Variants in WDR17 observed in about 807,000 individuals in gnomAD.
WDR17 encodes the protein WD repeat domain 17.
A neutral mutation model predicts 161.7 loss-of-function variants in WDR17; 143 were observed. That is an observed-to-expected ratio of 0.88 (90% CI 0.77 to 1.02). The LOEUF (loss-of-function observed/expected upper bound fraction) is 1.02, where lower values mean the gene tolerates loss of function less well. Ranked by LOEUF, WDR17 falls within the 50% of genes least tolerant of loss-of-function variation. The probability of loss-of-function intolerance (pLI) is 0.00; values close to 1 mark genes in which losing one functional copy is unlikely to be tolerated. For synonymous variants in WDR17, 517 were observed against 515.6 expected, an observed-to-expected ratio of 1.00 and a Z score of -0.04; for missense variants, 1,469 against 1,520.9, an observed-to-expected ratio of 0.97 and a Z score of 0.57.
chr4:176,150,682 G>T, intron 16 of WDR17, 89 bp downstream of exon 16: 1 of 1,295,240 alleles, frequency 7.7e-7, no homozygotes, highest in South Asian at 1.8e-5. Context: ...AAATATATAT[G>T]ATTAGATCGG....
At position 176,180,189 on chromosome 4, in the gene WDR17, T is replaced by A. The variant is rs1326409295; in HGVS notation, c.*610T>A. On this transcript the variant is annotated 3_prime_UTR_variant, in exon 29 of 29. Coordinates refer to ENST00000508596, the MANE Select transcript of WDR17 (RefSeq NM_181265.4). ...AAAAAGAAAATGTTACCAGTTTTTT[T>A]ATCTGAAGTTTAACTGTCCCATTGT... 1 of 152,224 alleles carries A rather than the reference T, an allele frequency of 6.6e-6. No individual in the cohort carries two copies. Among genetic ancestry groups the A allele is most frequent in the East Asian group, 1.9e-4 (1 of 5,204 alleles). 9.4% of individuals were successfully genotyped at this position (152,224 alleles called of 1,614,324 possible). A position where few individuals can be genotyped will look rare whatever the true frequency, so the allele number is the denominator to read the frequency against.
At chr4:176,070,057 T>C (rs1733028411) in intron 1 of WDR17, among the ~76,000 whole-genome samples, 1 of 152,140 alleles carries the variant, frequency 6.6e-6, no homozygotes, top group African/African-American at 2.4e-5. Context: ...CGTTATTCTG[T>C]TAATGAGGAC....
At chr4:176,118,430 A>G (rs1297247651) in intron 3 of WDR17, among the ~76,000 whole-genome samples, 1 of 152,124 alleles carries the variant, frequency 6.6e-6, no homozygotes, top group African/African-American at 2.4e-5. Flanking sequence ...CAACTATTTT[A>G]CTGGCGTTTT....
At chr4:176,155,878 A>G (rs1309890514) in intron 17 of WDR17, among the ~76,000 whole-genome samples, 1 of 151,796 alleles carries the variant, frequency 6.6e-6, no homozygotes, top group Admixed American at 6.6e-5. Context: ...TATATTATTG[A>G]CAGAGGTAAA....
At chr4:176,111,444 T>A (rs1739721128) in intron 1 of WDR17, 131 bp from the exon 2 acceptor site, 1 of 987,278 alleles carries the variant, frequency 1.0e-6, no homozygotes, top group Non-Finnish European at 1.4e-6. Context: ...AAAATAAAAG[T>A]CAAAATTAAT....
rs541034999 is a variant in WDR17 at position 176,179,750 on chromosome 4, T to A, written c.*171T>A. 3.3e-6 allele frequency: 1 copy of A among 306,842 alleles called. No individual in the cohort carries two copies. The highest frequency in any genetic ancestry group is 5.4e-6 in the Non-Finnish European group (1 of 185,032). The allele number at this position is 306,842 out of a possible 1,614,324, so 19.0% of individuals were successfully genotyped here. A position where few individuals can be genotyped will look rare whatever the true frequency, so the allele number is the denominator to read the frequency against. On this transcript the variant is annotated 3_prime_UTR_variant, in exon 29 of 29. Transcript: ENST00000508596. ...TCATTAACTTCAAAATATATATATA[T>A]ATATAATTTAAAGGAAAAATAGGTG...
chr4:176,128,809 A>AAAACAGGATTTCAC lies in WDR17; in HGVS notation c.863_876dup (p.Cys293LysfsTer41). The AAAACAGGATTTCAC allele has an allele frequency of 6.2e-7, 1 of 1,607,050 alleles. No homozygotes were observed. The highest frequency in any genetic ancestry group is 8.5e-7 in the Non-Finnish European group (1 of 1,177,026). The stretch of plus-strand genomic sequence containing the variant: ...ACCTATTGATAATCTTAAATTAAAG[A>AAAACAGGATTTCAC]AAACAGGATTTCACTGCTTACATGT... On this transcript the variant is annotated frameshift_variant, in exon 6 of 29. Transcript: ENST00000508596. LOFTEE classifies it high-confidence loss of function.
At chr4:176,123,743 G>A (rs950880424) in intron 4 of WDR17, among the ~76,000 whole-genome samples, 14 of 152,106 alleles carry the variant, frequency 9.2e-5, no homozygotes, top group African/African-American at 3.4e-4. Context: ...GCTTCTTTTG[G>A]GTTTTTATAG....
chr4:176,078,833 A>T (rs574513756), intron 1 of WDR17, among the ~76,000 whole-genome samples: 5 of 152,114 alleles, frequency 3.3e-5, no homozygotes, highest in Non-Finnish European at 7.4e-5. Context: ...TCAAATCAGG[A>T]TAGTATATCT....
At chr4:176,128,604 G>A in intron 5 of WDR17, 134 bp from the exon 6 acceptor site, 1 of 827,086 alleles carries the variant, frequency 1.2e-6, no homozygotes, top group East Asian at 2.9e-5. Flanking sequence ...ATTACTGTAT[G>A]GTATTGTTGT....
intron 1 of WDR17, 197 bp from the exon 2 acceptor site, chr4:176,111,378 T>G (rs1405019204): frequency 2.3e-5 from 9 of 391,410 alleles, no homozygotes; most frequent in African/African-American, 1.9e-4. Flanking sequence ...TTTCCTCATT[T>G]AAATTAGTTG....
At chr4:176,141,449 GT>G (rs1561167443) in intron 10 of WDR17, among the ~76,000 whole-genome samples, 1 of 152,068 alleles carries the variant, frequency 6.6e-6, no homozygotes, top group Non-Finnish European at 1.5e-5. Context: ...AAGAAAAAGC[GT>G]TTTTGTTGTT....
At position 176,179,571 on chromosome 4, in the gene WDR17, C is replaced by A; in HGVS notation, c.3844C>A (p.Pro1282Thr). The A allele has an allele frequency of 1.3e-6, 2 of 1,554,950 alleles. No homozygotes were observed. Among genetic ancestry groups the A allele is most frequent in the East Asian group, 2.3e-5 (1 of 42,752 alleles). Residue 1282 changes from proline to threonine, a missense_variant, in exon 29 of 29, where the codon CCA becomes ACA. Coordinates refer to ENST00000508596, the MANE Select transcript of WDR17 (RefSeq NM_181265.4). ...SPLGTGIRLN[P>T]F ...TTTAGGGACTGGAATACGACTCAAT[C>A]CATTCTGATAGAAGATTTTTGTCCA...
chr4:176,078,928 G>A lies in WDR17; in HGVS notation c.-7+12849G>A, dbSNP rs565486365. Reference sequence around the variant, plus strand: ...ATTTGAAAATATATAATAAATTATCGTTAACTATAGTCTTCCTATAGTGCT... The same window carrying A: ...ATTTGAAAATATATAATAAATTATCATTAACTATAGTCTTCCTATAGTGCT... On this transcript the variant is annotated intron_variant, in intron 1 of 28. Coordinates refer to ENST00000508596, the MANE Select transcript of WDR17 (RefSeq NM_181265.4). Among the ~76,000 whole-genome samples the A allele has an allele frequency of 4.2e-4, 64 of 151,860 alleles. 1 individual carries two copies. The highest frequency in any genetic ancestry group is 1.6e-3 in the Admixed American group (24 of 15,238).
chr4:176,102,931 T>C (rs1370864673), intron 1 of WDR17, among the ~76,000 whole-genome samples: 1 of 152,146 alleles, frequency 6.6e-6, no homozygotes, highest in East Asian at 1.9e-4. Flanking sequence ...AAGCAGCTTA[T>C]GTGAACCAGG....
intron 11 of WDR17, among the ~76,000 whole-genome samples, chr4:176,143,267 G>C (rs1745590034): frequency 6.6e-6 from 1 of 152,170 alleles, no homozygotes; most frequent in African/African-American, 2.4e-5. Context: ...TTGCTAACAA[G>C]GAAAACTGCT....
intron 1 of WDR17, among the ~76,000 whole-genome samples, chr4:176,099,869 C>G (rs1303868991): frequency 6.6e-6 from 1 of 152,058 alleles, no homozygotes; most frequent in Non-Finnish European, 1.5e-5. Context: ...TGGCTTGTTT[C>G]ACTTAAGATA....
Position 176,065,845 on chromosome 4 carries a change from A to C in WDR17, c.-241A>C, listed in dbSNP as rs997880306. ...TAGCTGTCACGTGGGCCTCTGGGGC[A>C]GACCCTGGAGATCGGGCTCGCGGCG... On this transcript the variant is annotated 5_prime_UTR_variant, in exon 1 of 29. Transcript: ENST00000508596. 2 of 152,224 alleles carry C rather than the reference A, an allele frequency of 1.3e-5. No individual in the cohort carries two copies. Among genetic ancestry groups the C allele is most frequent in the African/African-American group, 2.4e-5 (1 of 41,454 alleles). The allele number at this position is 152,224 out of a possible 1,614,324, so 9.4% of individuals were successfully genotyped here.
At position 176,173,266 on chromosome 4, in the gene WDR17, G is replaced by A. The variant is rs538410284; in HGVS notation, c.3245-1G>A. ...TCTTCCATCTGGTTTAATTTTTCCA[G>A]AATACATCAGTAGCTCAGACTGGAC... On this transcript the variant is annotated splice_acceptor_variant, in intron 24 of 28. Transcript: ENST00000508596. LOFTEE classifies it high-confidence loss of function. 6.3e-7 allele frequency: 1 copy of A among 1,598,712 alleles called. No homozygotes were observed. Among genetic ancestry groups the A allele is most frequent in the East Asian group, 2.2e-5 (1 of 44,630 alleles).
Sources: allele counts gnomAD v4.1 joint callset (sites outside exome capture counted in the v4.1 genomes callset), GRCh38; gene constraint gnomAD v4.1.1; transcripts MANE v1.5; gene names NCBI Gene and HGNC (gene_info 2026-07-23, HGNC 2026-07-21).